PEAK1: variants seen among roughly 807,000 people sequenced by gnomAD.
PEAK1 encodes the protein inactive tyrosine-protein kinase PEAK1.
PEAK1 carries 54 observed loss-of-function variants against 124.7 expected under a neutral mutation model. That is an observed-to-expected ratio of 0.43 (90% CI 0.35 to 0.54). The LOEUF is 0.54. Among genes scored for constraint, PEAK1 ranks in the 20% least tolerant of loss-of-function variants. PEAK1 has a pLI of 0.01. For synonymous variants in PEAK1, 719 were observed against 760.0 expected, an observed-to-expected ratio of 0.95 and a Z score of 0.89; for missense variants, 2,046 against 2,134.5, an observed-to-expected ratio of 0.96 and a Z score of 0.82.
intron 2 of PEAK1, among the ~76,000 whole-genome samples, chr15:77,339,583 A>G (rs1282289523): frequency 2.0e-5 from 3 of 152,232 alleles, no homozygotes; most frequent in Non-Finnish European, 1.5e-5. Context: ...ACAGAAAAAC[A>G]TCTAGGTGAC....
intron 6 of PEAK1, among the ~76,000 whole-genome samples, chr15:77,238,504 T>TC (rs1187462921): frequency 6.6e-6 from 1 of 152,204 alleles, no homozygotes; most frequent in Non-Finnish European, 1.5e-5. Flanking sequence ...TTAACTCTTA[T>TC]CCCTTGGGCA....
chr15:77,250,858 C>A (rs1465667037), intron 6 of PEAK1, among the ~76,000 whole-genome samples: 7 of 152,118 alleles, frequency 4.6e-5, no homozygotes, highest in Admixed American at 3.3e-4. Context: ...CCACCGTGCC[C>A]CATCCAAGAT....
chr15:77,178,241 C>T (rs1280163977), intron 7 of PEAK1: 1 of 152,788 alleles, frequency 6.5e-6, no homozygotes, highest in African/African-American at 2.4e-5. Context: ...TGCTAAATAA[C>T]TATAAATTGC....
chr15:77,264,944 A>G lies in PEAK1; in HGVS notation c.-274-12418T>C, dbSNP rs200606306. Among the ~76,000 whole-genome samples the G allele has an allele frequency of 3.3e-5, 5 of 152,276 alleles. No homozygotes were observed. The East Asian group carries it at 9.7e-4, about 29-fold the overall frequency. On this transcript the variant is annotated intron_variant, in intron 5 of 9. Transcript: ENST00000682557. ...GGAACAGAACAGAGCCCTCAGAAATAACACTGCATATCTGCAACTATCTAA... is the reference window on the plus strand; with the variant it reads ...GGAACAGAACAGAGCCCTCAGAAATGACACTGCATATCTGCAACTATCTAA...
intron 6 of PEAK1, among the ~76,000 whole-genome samples, chr15:77,243,155 T>C (rs1304206500): frequency 6.6e-6 from 1 of 152,248 alleles, no homozygotes; most frequent in Non-Finnish European, 1.5e-5. Context: ...GCTTCCAGTA[T>C]ATGATTTTAA....
chr15:77,249,150 T>C (rs1171361868), intron 6 of PEAK1, among the ~76,000 whole-genome samples: 2 of 152,048 alleles, frequency 1.3e-5, no homozygotes, highest in African/African-American at 2.4e-5. Context: ...TTTTTTTTTT[T>C]CTGGACAAAT....
intron 8 of PEAK1, among the ~76,000 whole-genome samples, chr15:77,154,354 C>A (rs2054931202): frequency 6.6e-6 from 1 of 152,084 alleles, no homozygotes; most frequent in Non-Finnish European, 1.5e-5. Flanking sequence ...CTTCCTCCAT[C>A]CCTTTATTTT....
chr15:77,241,396 T>C (rs1405473525), intron 6 of PEAK1, among the ~76,000 whole-genome samples: 2 of 152,144 alleles, frequency 1.3e-5, no homozygotes, highest in Non-Finnish European at 2.9e-5. Context: ...TGAGACTGAC[T>C]GCTTCCTCCT....
intron 5 of PEAK1, among the ~76,000 whole-genome samples, chr15:77,277,825 G>C (rs373409794): frequency 6.6e-6 from 1 of 152,120 alleles, no homozygotes; most frequent in African/African-American, 2.4e-5. Flanking sequence ...GAGAGTAAAA[G>C]GTTCAGTGGG....
intron 5 of PEAK1, among the ~76,000 whole-genome samples, chr15:77,258,089 C>A (rs1256328591): frequency 6.6e-6 from 1 of 152,140 alleles, no homozygotes; most frequent in Non-Finnish European, 1.5e-5. Context: ...TGATCTATAT[C>A]TCTATTTTGG....
At chr15:77,329,619 T>C (rs767213956) in intron 2 of PEAK1, among the ~76,000 whole-genome samples, 12 of 152,168 alleles carry the variant, frequency 7.9e-5, no homozygotes, top group Non-Finnish European at 1.3e-4. Flanking sequence ...TAATAATACA[T>C]ACAAATGATT....
intron 5 of PEAK1, chr15:77,255,299 ATTG>A: frequency 1.2e-6 from 1 of 814,940 alleles, no homozygotes; most frequent in South Asian, 5.7e-5. Context: ...ATTATTTAAA[ATTG>A]TTAACTTATT....
At chr15:77,208,157 T>C (rs2058750093) in intron 6 of PEAK1, among the ~76,000 whole-genome samples, 1 of 152,202 alleles carries the variant, frequency 6.6e-6, no homozygotes, top group Admixed American at 6.5e-5. Context: ...GGTACTACTA[T>C]GTATGACGCA....
intron 1 of PEAK1, chr15:77,418,073 A>G: frequency 1.0e-6 from 1 of 984,222 alleles, no homozygotes. Context: ...ATGGGCCTTC[A>G]GGGTAGACTC....
chr15:77,226,458 C>T (rs2059681915), intron 6 of PEAK1, among the ~76,000 whole-genome samples: 1 of 151,886 alleles, frequency 6.6e-6, no homozygotes. Flanking sequence ...TATATCTGTT[C>T]TTAACATAAG....
intron 5 of PEAK1, among the ~76,000 whole-genome samples, chr15:77,252,748 G>C (rs890140527): frequency 6.6e-6 from 1 of 152,094 alleles, no homozygotes; most frequent in Non-Finnish European, 1.5e-5. Context: ...TACAAGAACC[G>C]AAAGAGCACC....
intron 1 of PEAK1, among the ~76,000 whole-genome samples, chr15:77,367,389 T>C (rs2068325001): frequency 6.6e-6 from 1 of 152,184 alleles, no homozygotes. Context: ...ATGAAAGAAT[T>C]GACTGCAAAG....
intron 1 of PEAK1, chr15:77,402,649 C>G: frequency 1.0e-6 from 1 of 985,178 alleles, no homozygotes; most frequent in Non-Finnish European, 1.2e-6. Context: ...AAAACTGTGC[C>G]AACTACTCCC....
intron 2 of PEAK1, among the ~76,000 whole-genome samples, chr15:77,306,536 C>T (rs528534732): frequency 2.0e-4 from 30 of 152,204 alleles, no homozygotes; most frequent in African/African-American, 7.0e-4. Context: ...CTTAAAATCC[C>T]AGGAAATGGC....
Sources: gnomAD v4.1 joint callset for allele counts (sites outside exome capture counted in the v4.1 genomes callset) on GRCh38, gnomAD v4.1.1 for gene constraint, MANE v1.5 for transcripts, NCBI Gene and HGNC (gene_info 2026-07-23, HGNC 2026-07-21) for gene names.